Variants in SLN observed in about 807,000 individuals in gnomAD.
SLN encodes the protein sarcolipin.
For synonymous variants in SLN, 19 were observed against 14.4 expected (o/e 1.32, Z -0.72); for missense variants, 34 against 37.4 (o/e 0.91, Z 0.24).
intron 1 of SLN, among the ~76,000 whole-genome samples, chr11:107,711,237 C>CT (rs1033208102): frequency 1.9e-3 from 280 of 147,952 alleles, no homozygotes; most frequent in Admixed American, 3.4e-3. Context: ...GCACTCTTAA[C>CT]TTTTTTTTTT....
rs115523794 is a variant in SLN at position 107,707,824 on chromosome 11, G to A, written c.*11C>T. 1,280 of 1,599,842 alleles carry A rather than the reference G, an allele frequency of 8.0e-4. 11 individuals carry two copies. The African/African-American group carries it at 0.015, about 19-fold the overall frequency. On this transcript the variant is annotated 3_prime_UTR_variant, in exon 2 of 2. Coordinates refer to ENST00000305991, the MANE Select transcript of SLN (RefSeq NM_003063.3). ...GCATCTCAGTCAATCCCAGGACCAT[G>A]GCATGGCCTCTCAGTACTGATAGGA... is the stretch of plus-strand genomic sequence containing the variant.
chr11:107,710,372 T>C (rs1002457015), intron 1 of SLN, among the ~76,000 whole-genome samples: 2 of 152,134 alleles, frequency 1.3e-5, no homozygotes, highest in African/African-American at 2.4e-5. Context: ...ACTCAGAAAA[T>C]GAGAAAAATA....
At chr11:107,709,000 C>A (rs1440581552) in intron 1 of SLN, among the ~76,000 whole-genome samples, 1 of 152,228 alleles carries the variant, frequency 6.6e-6, no homozygotes, top group Non-Finnish European at 1.5e-5. Context: ...GCATAACAGG[C>A]ATTCAGCCGA....
At chr11:107,711,237 CT>C (rs1033208102) in intron 1 of SLN, among the ~76,000 whole-genome samples, 50 of 148,038 alleles carry the variant, frequency 3.4e-4, no homozygotes, top group Middle Eastern at 7.1e-3. Flanking sequence ...GCACTCTTAA[CT>C]TTTTTTTTTT....
Position 107,707,883 on chromosome 11 carries a change from C to T in SLN, c.48G>A (p.Leu16=). 1 of 1,613,984 alleles carries T rather than the reference C, an allele frequency of 6.2e-7. No individual in the cohort carries two copies. The highest frequency in any genetic ancestry group is 8.5e-7 in the Non-Finnish European group (1 of 1,179,970). The change falls in exon 2 of 2, where the codon TTG becomes TTA. Residue 16 remains leucine (L), a synonymous_variant. Transcript: ENST00000305991. ...GGAGCCACATAAGAATAACCGTAAT[C>T]AAGACAATAGTGAAGTTGAGAAACA... is the stretch of plus-strand genomic sequence containing the variant. The part of the protein sequence containing the change: ...RELFLNFTIV[L]ITVILMWLLV...
At chr11:107,710,617 A>G (rs1170805058) in intron 1 of SLN, among the ~76,000 whole-genome samples, 2 of 152,250 alleles carry the variant, frequency 1.3e-5, no homozygotes, top group Non-Finnish European at 2.9e-5. Context: ...TGTCACTGCA[A>G]TTAACTGGCC....
rs367687382 is a variant in SLN, at chr11:107,708,952, TG to T, written c.-75-948del. 6.6e-5 allele frequency among the ~76,000 whole-genome samples: 10 copies of T among 152,286 alleles called. No homozygotes were observed. The East Asian group carries it at 1.9e-3, about 29-fold the overall frequency. On this transcript the variant is annotated intron_variant, in intron 1 of 1. Coordinates refer to ENST00000305991, the MANE Select transcript of SLN (RefSeq NM_003063.3). The stretch of plus-strand genomic sequence containing the variant: ...GCATGGCCTCTGACAAGTCCTGCAT[TG>T]GGCACATAGCCTACTGGGATCAACC...
At chr11:107,708,836 T>C (rs765659791) in intron 1 of SLN, among the ~76,000 whole-genome samples, 5 of 152,216 alleles carry the variant, frequency 3.3e-5, no homozygotes, top group Non-Finnish European at 5.9e-5. Context: ...TTGAATTACA[T>C]AGATAAGTGG....
intron 1 of SLN, among the ~76,000 whole-genome samples, chr11:107,710,524 C>G (rs1370651314): frequency 6.6e-6 from 1 of 152,138 alleles, no homozygotes; most frequent in Non-Finnish European, 1.5e-5. Flanking sequence ...TGTGTAATGA[C>G]AGATAACAAG....
Position 107,708,008 on chromosome 11 carries a change from G to T in SLN, c.-75-3C>A. The T allele has an allele frequency of 1.1e-6, 1 of 905,126 alleles. No homozygotes were observed. Among genetic ancestry groups the T allele is most frequent in the South Asian group, 1.3e-5 (1 of 75,794 alleles). The allele number at this position is 905,126 out of a possible 1,614,324, so 56.1% of individuals were successfully genotyped here. ...GACCTCTGGCTTCTCCTCACCTCCT[G>T]ATAAAACATAACAAAGAAAACACAA... On this transcript the variant is annotated splice_region_variant and splice_polypyrimidine_tract_variant and intron_variant, in intron 1 of 1. Transcript: ENST00000305991.
chr11:107,709,649 C>A (rs1310359552), intron 1 of SLN, among the ~76,000 whole-genome samples: 1 of 152,032 alleles, frequency 6.6e-6, no homozygotes, highest in Non-Finnish European at 1.5e-5. Context: ...GAGTTTAAGA[C>A]CAGCTTAGGC....
At chr11:107,710,296 C>T (rs778891968) in intron 1 of SLN, among the ~76,000 whole-genome samples, 1 of 152,202 alleles carries the variant, frequency 6.6e-6, no homozygotes, top group Non-Finnish European at 1.5e-5. Flanking sequence ...AACGGTCCCA[C>T]CAAATCTGCC....
rs1867167687 is a variant in SLN, at chr11:107,707,573, C to G, written c.*262G>C. 2.5e-6 allele frequency: 1 copy of G among 393,756 alleles called. No individual in the cohort carries two copies. The allele number at this position is 393,756 out of a possible 1,614,324, so 24.4% of individuals were successfully genotyped here. A position where few individuals can be genotyped will look rare whatever the true frequency, so the allele number is the denominator to read the frequency against. On this transcript the variant is annotated 3_prime_UTR_variant, in exon 2 of 2. Coordinates refer to ENST00000305991, the MANE Select transcript of SLN (RefSeq NM_003063.3). ...ATCCAGTTTAATTTTAACTTTGTGG[C>G]TTGTCTAACACATTTTCAGTTAAGA...
At chr11:107,711,429 A>G (rs1480818558) in intron 1 of SLN, among the ~76,000 whole-genome samples, 1 of 152,216 alleles carries the variant, frequency 6.6e-6, no homozygotes, top group African/African-American at 2.4e-5. Context: ...ATCAACACAT[A>G]TGCTAACTGT....
chr11:107,708,973 T>C (rs1867182928), intron 1 of SLN, among the ~76,000 whole-genome samples: 1 of 152,160 alleles, frequency 6.6e-6, no homozygotes, highest in Non-Finnish European at 1.5e-5. Context: ...CCTACTGGGA[T>C]CAACCAAAAG....
chr11:107,710,940 C>T (rs1867204643), intron 1 of SLN, among the ~76,000 whole-genome samples: 1 of 151,822 alleles, frequency 6.6e-6, no homozygotes, highest in South Asian at 2.1e-4. Context: ...GGGTAGATCT[C>T]ACAAATATAA....
At chr11:107,711,616 T>C (rs1343533980) in intron 1 of SLN, among the ~76,000 whole-genome samples, 1 of 152,176 alleles carries the variant, frequency 6.6e-6, no homozygotes, top group African/African-American at 2.4e-5. Context: ...GATCCAGTGA[T>C]TGCAAATGGA....
intron 1 of SLN, among the ~76,000 whole-genome samples, chr11:107,709,658 G>C (rs962060444): frequency 6.6e-6 from 1 of 150,992 alleles, no homozygotes; most frequent in African/African-American, 2.4e-5. Context: ...ACCAGCTTAG[G>C]CAACATAATG....
intron 1 of SLN, among the ~76,000 whole-genome samples, chr11:107,708,732 G>C (rs982836020): frequency 6.6e-6 from 1 of 152,110 alleles, no homozygotes; most frequent in African/African-American, 2.4e-5. Context: ...GTGTGTTTGC[G>C]TGTGTGCGTA....
Sources: gnomAD v4.1 joint callset for allele counts (sites outside exome capture counted in the v4.1 genomes callset) on GRCh38, gnomAD v4.1.1 for gene constraint, MANE v1.5 for transcripts, NCBI Gene and HGNC (gene_info 2026-07-23, HGNC 2026-07-21) for gene names.